CREBZF: variants seen among roughly 807,000 people sequenced by gnomAD.
The protein encoded by CREBZF is HCF-binding transcription factor Zhangfei.
A neutral mutation model predicts 21.1 loss-of-function variants in CREBZF; 8 were observed. That is an observed-to-expected ratio of 0.38 (90% CI 0.22 to 0.68). The LOEUF (loss-of-function observed/expected upper bound fraction) is 0.68, where lower values mean the gene tolerates loss of function less well. CREBZF is among the 30% of genes least tolerant of loss of function. The pLI is 0.51. For missense variants in CREBZF, 518 were observed against 484.3 expected, an observed-to-expected ratio of 1.07 and a Z score of -0.65; for synonymous variants, 270 against 223.3, an observed-to-expected ratio of 1.21 and a Z score of -1.86.
rs1229608506 is a variant in CREBZF at position 85,663,749 on chromosome 11, GT to G, written c.*61del. ...CGGTGAAGATGTCCCACTAAGGTAAGTTTGACATGGTGTAAGGGAGTTGAAA... is the reference window on the plus strand; with the variant it reads ...CGGTGAAGATGTCCCACTAAGGTAAGTTGACATGGTGTAAGGGAGTTGAAA... On this transcript the variant is annotated 3_prime_UTR_variant, in exon 1 of 1. Coordinates refer to ENST00000527447, the MANE Select transcript of CREBZF (RefSeq NM_001039618.4). 32 of 1,586,604 alleles carry G rather than the reference GT, an allele frequency of 2.0e-5. No homozygotes were observed. Among genetic ancestry groups the G allele is most frequent in the Non-Finnish European group, 2.7e-5 (31 of 1,167,462 alleles).
chr11:85,676,970 C>CTTTTTTTTTTTTTTTTTTT (rs1422368391), intron 1 of CREBZF, among the ~76,000 whole-genome samples: 17 of 118,632 alleles, frequency 1.4e-4, no homozygotes, highest in South Asian at 2.8e-4. Flanking sequence ...CTTTTTCTGT[C>CTTTTTTTTTTTTTTTTTTT]TTTTTTTTTT....
chr11:85,677,211 C>A (rs912354996), intron 1 of CREBZF, among the ~76,000 whole-genome samples: 3 of 152,030 alleles, frequency 2.0e-5, no homozygotes, highest in Non-Finnish European at 4.4e-5. Context: ...GTGATCCACG[C>A]ACCTTGGCCT....
intron 1 of CREBZF, chr11:85,682,591 TA>T: frequency 2.1e-6 from 1 of 466,310 alleles, no homozygotes; most frequent in Non-Finnish European, 3.8e-6. Flanking sequence ...CACGCGCCCC[TA>T]CCCCCTGCCC....
At chr11:85,668,902 T>G (rs2082890044), upstream of CREBZF, among the ~76,000 whole-genome samples, 1 of 146,150 alleles carries the variant, frequency 6.8e-6, no homozygotes, top group South Asian at 2.2e-4. Flanking sequence ...CTCGGGAGGC[T>G]GAGGCAGGAG....
rs1026035362 is a variant in CREBZF, at chr11:85,659,154, A to C, written c.*4657T>G. Among the ~76,000 whole-genome samples the C allele has an allele frequency of 6.6e-6, 1 of 152,054 alleles. No homozygotes were observed. Among genetic ancestry groups the C allele is most frequent in the African/African-American group, 2.4e-5 (1 of 41,454 alleles). On this transcript the variant is annotated 3_prime_UTR_variant, in exon 1 of 1. Coordinates refer to ENST00000527447, the MANE Select transcript of CREBZF (RefSeq NM_001039618.4). ...AAATATTAACATTTAGGAGTCTCAA[A>C]ACTTTGTATTGGCTGTGAGTCTGGG...
At position 85,662,258 on chromosome 11, in the gene CREBZF, TAAAAC is replaced by T. The variant is rs1022362735; in HGVS notation, c.*1548_*1552del. The T allele has an allele frequency of 3.2e-5, 19 of 591,662 alleles. No homozygotes were observed. In the African/African-American group the frequency reaches 3.4e-4, roughly 10 times the overall value. The allele number at this position is 591,662 out of a possible 1,614,324, so 36.7% of individuals were successfully genotyped here. A position where few individuals can be genotyped will look rare whatever the true frequency, so the allele number is the denominator to read the frequency against. On this transcript the variant is annotated 3_prime_UTR_variant, in exon 1 of 1. Coordinates refer to ENST00000527447, the MANE Select transcript of CREBZF (RefSeq NM_001039618.4). Reference sequence around the variant, plus strand: ...CCATTTTCATAACCAAATAACAAAATAAAACATTTTATGTGTAAGATAACTTACAT... The same window carrying T: ...CCATTTTCATAACCAAATAACAAAATATTTTATGTGTAAGATAACTTACAT...
At chr11:85,675,438 C>G (rs1020411639) in intron 1 of CREBZF, among the ~76,000 whole-genome samples, 2 of 152,148 alleles carry the variant, frequency 1.3e-5, no homozygotes, top group South Asian at 4.1e-4. Context: ...AATGGCCAGT[C>G]AGTGGCACTC....
Position 85,660,484 on chromosome 11 carries a change from T to G in CREBZF, c.*3327A>C. On this transcript the variant is annotated 3_prime_UTR_variant, in exon 1 of 1. Transcript: ENST00000527447. ...GGAACTTGAAAATGGCATTCATTTT[T>G]TTCAGCAGATGCCAAATTTTTGACC... The G allele has an allele frequency of 2.5e-6, 1 of 403,734 alleles. No individual in the cohort carries two copies. The highest frequency in any genetic ancestry group is 4.9e-6 in the Non-Finnish European group (1 of 205,958). The allele number at this position is 403,734 out of a possible 1,614,324, so 25.0% of individuals were successfully genotyped here.
At chr11:85,672,895 G>C (rs1253013870) in intron 1 of CREBZF, among the ~76,000 whole-genome samples, 2 of 152,186 alleles carry the variant, frequency 1.3e-5, no homozygotes, top group African/African-American at 4.8e-5. Context: ...ATCTTAAGGG[G>C]CTGGCTACCA....
intron 1 of CREBZF, among the ~76,000 whole-genome samples, chr11:85,682,301 A>G (rs560446866): frequency 2.6e-4 from 39 of 152,240 alleles, no homozygotes; most frequent in African/African-American, 8.7e-4. Flanking sequence ...ACCTTGACAC[A>G]TGATAGGTGC....
intron 1 of CREBZF, among the ~76,000 whole-genome samples, chr11:85,677,285 C>T (rs1256834272): frequency 1.3e-5 from 2 of 152,052 alleles, no homozygotes; most frequent in African/African-American, 4.8e-5. Flanking sequence ...TTTTGTGTAG[C>T]CACAATGCCA....
Position 85,664,281 on chromosome 11 carries a change from C to A in CREBZF, c.595G>T (p.Gly199Cys). Residue 199 changes from glycine to cysteine, a missense_variant, in exon 1 of 1, where the codon GGT becomes TGT. Gly to Cys is a radical substitution (Grantham distance 159). Transcript: ENST00000527447. The surrounding 1 kb of genome is among the most constrained non-coding windows in gnomAD (Gnocchi z 5.5). ...SPGGGGGGGSGNDNNQAATKS... is the reference protein window; with the variant it reads ...SPGGGGGGGSCNDNNQAATKS... ...GTCGCCGCCTGGTTGTTGTCGTTAC[C>A]GCTGCCGCCACCGCCGCCTCCTCCT... 1 of 1,612,492 alleles carries A rather than the reference C, an allele frequency of 6.2e-7. No individual in the cohort carries two copies. The highest frequency in any genetic ancestry group is 8.5e-7 in the Non-Finnish European group (1 of 1,179,690).
rs920811483 is a variant in CREBZF at position 85,665,001 on chromosome 11, G to C, written c.-126C>G. On this transcript the variant is annotated 5_prime_UTR_variant, in exon 1 of 1. Transcript: ENST00000527447. ...CGAAACGAAATGCAGGGAAAGGTCCGAGTCGCCTCCCGCCTCACTTGGCTA... is the reference window on the plus strand; with the variant it reads ...CGAAACGAAATGCAGGGAAAGGTCCCAGTCGCCTCCCGCCTCACTTGGCTA... 12 of 610,246 alleles carry C rather than the reference G, an allele frequency of 2.0e-5. No individual in the cohort carries two copies. Among genetic ancestry groups the C allele is most frequent in the Middle Eastern group, 4.9e-4 (1 of 2,054 alleles). The allele number at this position is 610,246 out of a possible 1,614,324, so 37.8% of individuals were successfully genotyped here.
At chr11:85,676,103 A>C (rs1185220208) in intron 1 of CREBZF, among the ~76,000 whole-genome samples, 1 of 152,228 alleles carries the variant, frequency 6.6e-6, no homozygotes, top group African/African-American at 2.4e-5. Flanking sequence ...TAACCAACTG[A>C]AATAGTGAGA....
In CREBZF at chr11:85,663,370, G is replaced by A; in HGVS notation, c.*441C>T. ...ATACATTCTTGACCAGCACAAGTCTGTTTCCAGGGTGGACAGGGCCCAAAT... is the reference window on the plus strand; with the variant it reads ...ATACATTCTTGACCAGCACAAGTCTATTTCCAGGGTGGACAGGGCCCAAAT... On this transcript the variant is annotated 3_prime_UTR_variant, in exon 1 of 1. Transcript: ENST00000527447. 2 of 629,994 alleles carry A rather than the reference G, an allele frequency of 3.2e-6. No homozygotes were observed. 39.0% of individuals were successfully genotyped at this position (629,994 alleles called of 1,614,324 possible). A position where few individuals can be genotyped will look rare whatever the true frequency, so the allele number is the denominator to read the frequency against.
chr11:85,665,178 C>G (rs116952092), upstream of CREBZF: 2,258 of 374,832 alleles, frequency 6.0e-3, 8 homozygotes, highest in Non-Finnish European at 8.4e-3. Flanking sequence ...CGCCACCAGG[C>G]CGTAGTGTCG....
chr11:85,662,203 A>C lies in CREBZF; in HGVS notation c.*1608T>G, dbSNP rs2082706325. The C allele has an allele frequency of 5.3e-6, 3 of 563,418 alleles. No homozygotes were observed. Among genetic ancestry groups the C allele is most frequent in the Admixed American group, 3.1e-5 (1 of 32,714 alleles). 34.9% of individuals were successfully genotyped at this position (563,418 alleles called of 1,614,324 possible). A position where few individuals can be genotyped will look rare whatever the true frequency, so the allele number is the denominator to read the frequency against. ...CTCAAATCGTATTATCTAGCAACAA[A>C]ACATTTACAGTTGTGCAAGAACAAG... On this transcript the variant is annotated 3_prime_UTR_variant, in exon 1 of 1. Transcript: ENST00000527447.
chr11:85,674,537 A>G (rs764667591), intron 1 of CREBZF, among the ~76,000 whole-genome samples: 1 of 152,248 alleles, frequency 6.6e-6, no homozygotes, highest in African/African-American at 2.4e-5. Context: ...AAGGGTAAAT[A>G]TGAGCACTGG....
At position 85,664,992 on chromosome 11, in the gene CREBZF, G is replaced by T; in HGVS notation, c.-117C>A. The T allele has an allele frequency of 2.9e-6, 2 of 679,092 alleles. No individual in the cohort carries two copies. The highest frequency in any genetic ancestry group is 2.2e-6 in the Non-Finnish European group (1 of 459,892). 42.1% of individuals were successfully genotyped at this position (679,092 alleles called of 1,614,324 possible). On this transcript the variant is annotated 5_prime_UTR_variant, in exon 1 of 1. Transcript: ENST00000527447. The surrounding 1 kb of genome is among the most constrained non-coding windows in gnomAD (Gnocchi z 5.5). Reference sequence around the variant, plus strand: ...GGCACTGGCCGAAACGAAATGCAGGGAAAGGTCCGAGTCGCCTCCCGCCTC... The same window carrying T: ...GGCACTGGCCGAAACGAAATGCAGGTAAAGGTCCGAGTCGCCTCCCGCCTC...
Sources: gnomAD v4.1 joint callset for allele counts (sites outside exome capture counted in the v4.1 genomes callset) on GRCh38, gnomAD v4.1.1 for gene constraint, Gnocchi (gnomAD v3.1) non-coding constraint, MANE v1.5 for transcripts, NCBI Gene and HGNC (gene_info 2026-07-23, HGNC 2026-07-21) for gene names.